DPP6: variants seen among roughly 807,000 people sequenced by gnomAD.
DPP6 encodes dipeptidyl peptidase like 6.
In DPP6, 69 loss-of-function variants were observed where a neutral mutation model predicts 122.6. The ratio of observed to expected loss-of-function variants is 0.56; its 90% CI spans 0.46 to 0.69. The LOEUF (loss-of-function observed/expected upper bound fraction) is 0.69. DPP6 is among the 30% of genes least tolerant of loss of function. The pLI is 0.00. For synonymous variants in DPP6, 418 were observed against 433.1 expected (o/e 0.97, Z 0.43); for missense variants, 928 against 1,116.9 (o/e 0.83, Z 2.41).
At position 154,017,072 on chromosome 7, in the gene DPP6, T is replaced by C. The variant is rs1231938927; in HGVS notation, c.51+129338T>C. Among the ~76,000 whole-genome samples, 6 of 152,294 alleles carry C rather than the reference T, an allele frequency of 3.9e-5. No individual in the cohort carries two copies. In the East Asian group the frequency reaches 9.7e-4, roughly 25 times the overall value. ...ACAGTAGGGTGACTATAGTTAACAA[T>C]ATATGTTTTTTTTGAGACAGGGTCT... On this transcript the variant is annotated intron_variant, in intron 1 of 25. Transcript: ENST00000404039.
chr7:154,730,202 A>G (rs571126842), intron 8 of DPP6, among the ~76,000 whole-genome samples: 4 of 152,276 alleles, frequency 2.6e-5, no homozygotes, highest in African/African-American at 9.6e-5. Context: ...GATCCCACTA[A>G]CAGCTCTTTT....
chr7:154,665,930 A>T (rs1268338121), intron 6 of DPP6, among the ~76,000 whole-genome samples: 2 of 151,806 alleles, frequency 1.3e-5, no homozygotes, highest in Non-Finnish European at 2.9e-5. Context: ...TAGCATGCAC[A>T]CAGTCTCAAA....
At chr7:153,895,728 G>GCA (rs10599371) in intron 1 of DPP6, among the ~76,000 whole-genome samples, 2,470 of 149,894 alleles carry the variant, frequency 0.016, 13 homozygotes, top group Non-Finnish European at 0.02. Context: ...GTGCATGCGT[G>GCA]CACACACACA....
intron 1 of DPP6, chr7:154,058,448 C>G (rs1367998301): frequency 7.1e-6 from 1 of 141,732 alleles, no homozygotes. Flanking sequence ...TCCTCTCTTC[C>G]GCACCTGGCT....
At chr7:154,499,673 A>G (rs1223286735) in intron 3 of DPP6, among the ~76,000 whole-genome samples, 1 of 152,160 alleles carries the variant, frequency 6.6e-6, no homozygotes, top group East Asian at 1.9e-4. Flanking sequence ...AAAATTCCCT[A>G]TGAAACCTCA....
At chr7:153,826,930 T>G in the DPP6 span, among the ~76,000 whole-genome samples, 1 of 152,078 alleles carries the variant, frequency 6.6e-6, no homozygotes, top group African/African-American at 2.4e-5. Flanking sequence ...AAAGTGAAAA[T>G]GTAACTCATT....
In DPP6 at chr7:154,880,839, T is replaced by G. The variant is rs762266528; in HGVS notation, c.2079-49T>G. ...GGCTCTGGGCTACAGGAAGACAAAG[T>G]GGCAGCAGGATGTGCACTGAACCCT... On this transcript the variant is annotated intron_variant, in intron 20 of 25. Coordinates refer to ENST00000377770, the MANE Select transcript of DPP6 (RefSeq NM_130797.4). 24 of 1,613,760 alleles carry G rather than the reference T, an allele frequency of 1.5e-5. No individual in the cohort carries two copies. In the East Asian group the frequency reaches 4.5e-4, roughly 30 times the overall value.
At chr7:154,601,302 A>T (rs1384682430) in intron 5 of DPP6, among the ~76,000 whole-genome samples, 2 of 121,440 alleles carry the variant, frequency 1.6e-5, no homozygotes, top group African/African-American at 5.2e-5. Flanking sequence ...TGTAAGAAGT[A>T]TTGAAATCTC....
chr7:153,824,992 G>A, the DPP6 span, among the ~76,000 whole-genome samples: 30,284 of 151,892 alleles, frequency 0.2, 3,189 homozygotes, highest in South Asian at 0.26. Flanking sequence ...AGAACAGTAA[G>A]AGGGGAGGCA....
At chr7:154,285,994 C>T (rs1353809109) in intron 1 of DPP6, among the ~76,000 whole-genome samples, 1 of 152,184 alleles carries the variant, frequency 6.6e-6, no homozygotes, top group Non-Finnish European at 1.5e-5. Flanking sequence ...CCATTTTTCC[C>T]TGTCATACTG....
intron 1 of DPP6, among the ~76,000 whole-genome samples, chr7:154,089,254 C>T (rs1369571018): frequency 6.6e-6 from 1 of 150,940 alleles, no homozygotes; most frequent in African/African-American, 2.4e-5. Flanking sequence ...TGCGAGTCTC[C>T]AGGAATTGTG....
intron 3 of DPP6, among the ~76,000 whole-genome samples, chr7:154,533,474 A>G (rs963536908): frequency 6.6e-6 from 1 of 152,222 alleles, no homozygotes; most frequent in African/African-American, 2.4e-5. Context: ...CTTCATGCCC[A>G]GTTGGCTTCA....
intron 16 of DPP6, among the ~76,000 whole-genome samples, chr7:154,816,056 G>T (rs942198398): frequency 3.3e-5 from 5 of 152,206 alleles, no homozygotes; most frequent in Non-Finnish European, 7.3e-5. Flanking sequence ...GGTCTATGGA[G>T]TATGGAACCG....
At chr7:154,051,367 C>G (rs922686465), upstream of DPP6, among the ~76,000 whole-genome samples, 6 of 146,100 alleles carry the variant, frequency 4.1e-5, no homozygotes, top group Non-Finnish European at 9.1e-5. Flanking sequence ...GACGTGGGGA[C>G]GAGACGAGAG....
intron 1 of DPP6, among the ~76,000 whole-genome samples, chr7:154,380,731 C>T (rs1014984891): frequency 6.6e-6 from 1 of 152,220 alleles, no homozygotes; most frequent in South Asian, 2.1e-4. Context: ...AGTGTCTGGG[C>T]TGCAGATCCC....
chr7:154,110,276 T>G (rs1291820560), intron 1 of DPP6, among the ~76,000 whole-genome samples: 1 of 152,094 alleles, frequency 6.6e-6, no homozygotes, highest in Non-Finnish European at 1.5e-5. Context: ...ATTGTGTTTG[T>G]GCTATTAGTG....
chr7:154,846,596 G>A (rs904773645), intron 16 of DPP6, among the ~76,000 whole-genome samples: 4 of 152,198 alleles, frequency 2.6e-5, no homozygotes, highest in Non-Finnish European at 5.9e-5. Context: ...CAACTGCAGT[G>A]CTACCAACTA....
At chr7:154,064,277 C>G (rs1802527173) in intron 1 of DPP6, among the ~76,000 whole-genome samples, 1 of 152,138 alleles carries the variant, frequency 6.6e-6, no homozygotes, top group African/African-American at 2.4e-5. Flanking sequence ...GCCATCTGAC[C>G]AGAGCTCTTC....
intron 6 of DPP6, among the ~76,000 whole-genome samples, chr7:154,646,279 C>T (rs1397622922): frequency 6.6e-6 from 1 of 152,130 alleles, no homozygotes; most frequent in Non-Finnish European, 1.5e-5. Context: ...AGTTTTGCCT[C>T]TGAGGTTTCT....
Sources: gnomAD v4.1 joint callset for allele counts (sites outside exome capture counted in the v4.1 genomes callset) on GRCh38, gnomAD v4.1.1 for gene constraint, MANE v1.5 for transcripts, NCBI Gene and HGNC (gene_info 2026-07-23, HGNC 2026-07-21) for gene names.